Variants in DPYD observed in about 807,000 individuals in gnomAD.
The protein encoded by DPYD is dihydropyrimidine dehydrogenase, also known as dihydropyrimidine dehydrogenase [NADP(+)].
A neutral mutation model predicts 116.2 loss-of-function variants in DPYD; 109 were observed. The observed-to-expected ratio is 0.94, with a 90% confidence interval of 0.80 to 1.10. DPYD has a LOEUF of 1.10. Ranked by LOEUF, DPYD falls within the 50% of genes least tolerant of loss-of-function variation. DPYD has a pLI of 0.00. For missense variants in DPYD, 1,302 were observed against 1,254.5 expected, an observed-to-expected ratio of 1.04 and a Z score of -0.57; for synonymous variants, 440 against 432.0, an observed-to-expected ratio of 1.02 and a Z score of -0.23.
Position 97,757,955 on chromosome 1 carries a change from C to T in DPYD, c.234-17476G>A, listed in dbSNP as rs187299577. 3.5e-3 allele frequency among the ~76,000 whole-genome samples: 532 copies of T among 152,208 alleles called. 3 individuals carry two copies. The highest frequency in any genetic ancestry group is 0.011 in the African/African-American group (452 of 41,540). ...TGGCGCTAACCATTTCTTTTGTCTGCACTACTGAATTCTCATAATACGCAC... is the reference window on the plus strand; with the variant it reads ...TGGCGCTAACCATTTCTTTTGTCTGTACTACTGAATTCTCATAATACGCAC... On this transcript the variant is annotated intron_variant, in intron 3 of 22. Coordinates refer to ENST00000370192, the MANE Select transcript of DPYD (RefSeq NM_000110.4).
At chr1:97,376,023 T>C (rs1671592204) in intron 15 of DPYD, among the ~76,000 whole-genome samples, 1 of 152,240 alleles carries the variant, frequency 6.6e-6, no homozygotes, top group Non-Finnish European at 1.5e-5. Flanking sequence ...GCATTTACAA[T>C]ATGCCAGATA....
intron 18 of DPYD, among the ~76,000 whole-genome samples, chr1:97,275,387 C>T (rs546796015): frequency 1.3e-5 from 2 of 152,240 alleles, no homozygotes; most frequent in African/African-American, 4.8e-5. Flanking sequence ...TTTTCTACTG[C>T]AATAGGTAAT....
chr1:97,195,836 G>A (rs1658769661), intron 19 of DPYD, among the ~76,000 whole-genome samples: 2 of 150,894 alleles, frequency 1.3e-5, no homozygotes, highest in South Asian at 2.1e-4. Flanking sequence ...AGATCCAAGA[G>A]AGTTAAGTCA....
intron 13 of DPYD, among the ~76,000 whole-genome samples, chr1:97,456,369 G>A (rs945587693): frequency 1.5e-4 from 23 of 151,914 alleles, no homozygotes; most frequent in African/African-American, 5.3e-4. Flanking sequence ...CCTCAGCTAG[G>A]AATCATTCTG....
chr1:97,210,254 C>T (rs748336299), intron 19 of DPYD, among the ~76,000 whole-genome samples: 9 of 151,994 alleles, frequency 5.9e-5, no homozygotes, highest in Admixed American at 1.3e-4. Context: ...TTTTTTCCCT[C>T]CCCCTTGGAG....
intron 13 of DPYD, among the ~76,000 whole-genome samples, chr1:97,496,598 G>A (rs748132668): frequency 6.6e-6 from 1 of 151,834 alleles, no homozygotes; most frequent in Non-Finnish European, 1.5e-5. Context: ...TTTTTACGGG[G>A]CTTTCTTTTT....
At chr1:97,856,631 A>G (rs1670859075) in intron 2 of DPYD, 1 of 152,182 alleles carries the variant, frequency 6.6e-6, no homozygotes, top group Admixed American at 6.5e-5. Context: ...ACTTCTGAGG[A>G]CCACCAGGGC....
intron 20 of DPYD, among the ~76,000 whole-genome samples, chr1:97,136,427 G>A (rs1653801433): frequency 2.0e-5 from 3 of 152,142 alleles, no homozygotes; most frequent in Admixed American, 6.6e-5. Context: ...GGATTCAGTG[G>A]CACTCTCCTA....
chr1:97,155,055 T>C (rs893132226), intron 20 of DPYD, among the ~76,000 whole-genome samples: 7 of 152,206 alleles, frequency 4.6e-5, no homozygotes, highest in Non-Finnish European at 7.3e-5. Flanking sequence ...TGAACTTTTC[T>C]CAAGACCCGG....
chr1:97,784,331 A>G (rs1666907490), intron 3 of DPYD, among the ~76,000 whole-genome samples: 1 of 152,142 alleles, frequency 6.6e-6, no homozygotes, highest in African/African-American at 2.4e-5. Flanking sequence ...CTTTATACCA[A>G]CAGTTGAGAG....
chr1:97,456,416 TTTTC>T (rs1676688955), intron 13 of DPYD, among the ~76,000 whole-genome samples: 1 of 152,046 alleles, frequency 6.6e-6, no homozygotes, highest in Non-Finnish European at 1.5e-5. Flanking sequence ...ATCTCTTCAT[TTTTC>T]TTTCTGTCTC....
intron 15 of DPYD, among the ~76,000 whole-genome samples, chr1:97,376,887 G>GTATA (rs1553166538): frequency 3.9e-5 from 5 of 128,408 alleles, no homozygotes; most frequent in African/African-American, 1.1e-4. Flanking sequence ...GTGTGTGTGT[G>GTATA]TATATATATA....
At chr1:97,832,815 A>G (rs4375301) in intron 2 of DPYD, among the ~76,000 whole-genome samples, 32,929 of 152,106 alleles carry the variant, frequency 0.22, 3,807 homozygotes, top group Non-Finnish European at 0.24. Flanking sequence ...CTATAAAAGT[A>G]TAATGAAACA....
chr1:97,354,144 T>C (rs1310531026), intron 16 of DPYD, among the ~76,000 whole-genome samples: 2 of 152,258 alleles, frequency 1.3e-5, no homozygotes, highest in African/African-American at 2.4e-5. Flanking sequence ...TCAGGTGTTG[T>C]ACCTGCTCTC....
At chr1:97,760,894 G>A (rs1665537321) in intron 3 of DPYD, among the ~76,000 whole-genome samples, 1 of 152,126 alleles carries the variant, frequency 6.6e-6, no homozygotes, top group South Asian at 2.1e-4. Flanking sequence ...CGTGGGCCAG[G>A]TGGATAGGAC....
intron 1 of DPYD, among the ~76,000 whole-genome samples, chr1:97,902,219 C>T (rs953973812): frequency 6.6e-6 from 1 of 151,768 alleles, no homozygotes; most frequent in Non-Finnish European, 1.5e-5. Context: ...AAAGAACAAT[C>T]CATATTAAAG....
chr1:97,247,052 G>A (rs1662767912), intron 18 of DPYD, among the ~76,000 whole-genome samples: 1 of 151,940 alleles, frequency 6.6e-6, no homozygotes, highest in Non-Finnish European at 1.5e-5. Flanking sequence ...TCAAACAGAA[G>A]GGATAAGAAC....
At chr1:97,444,974 A>G (rs1376031900) in intron 14 of DPYD, among the ~76,000 whole-genome samples, 3 of 152,196 alleles carry the variant, frequency 2.0e-5, no homozygotes, top group Admixed American at 1.3e-4. Context: ...ACCAAATTAT[A>G]AAGGAGACCT....
intron 20 of DPYD, among the ~76,000 whole-genome samples, chr1:97,127,864 A>G (rs1439960763): frequency 6.6e-6 from 1 of 152,146 alleles, no homozygotes; most frequent in Admixed American, 6.6e-5. Context: ...GATTATGGGA[A>G]GAGTATATTA....
Sources: gnomAD v4.1 joint callset for allele counts (sites outside exome capture counted in the v4.1 genomes callset) on GRCh38, gnomAD v4.1.1 for gene constraint, MANE v1.5 for transcripts, NCBI Gene and HGNC (gene_info 2026-07-23, HGNC 2026-07-21) for gene names.